Variants in GRHL1 observed in about 807,000 individuals in gnomAD.
GRHL1 encodes grainyhead like transcription factor 1, also known as grainyhead-like protein 1 homolog.
Under a neutral mutation model 75.7 loss-of-function variants are expected in GRHL1, and 38 were observed. The ratio of observed to expected loss-of-function variants is 0.50; its 90% CI spans 0.39 to 0.66. The LOEUF (loss-of-function observed/expected upper bound fraction) is 0.66, where lower values mean the gene tolerates loss of function less well. Ranked by LOEUF, GRHL1 falls within the 30% of genes least tolerant of loss-of-function variation. The pLI, the probability that GRHL1 is intolerant of heterozygous loss-of-function variation, is 0.00. For synonymous variants in GRHL1, 266 were observed against 279.4 expected (o/e 0.95, Z 0.48); for missense variants, 589 against 767.5 (o/e 0.77, Z 2.75).
intron 6 of GRHL1, 82 bp downstream of exon 6, chr2:9,964,124 C>T (rs1412402740): frequency 8.6e-6 from 12 of 1,402,822 alleles, no homozygotes; most frequent in Admixed American, 3.7e-5. Context: ...TCTGAATGAC[C>T]GCCTGAAATT....
rs569256404 is a variant in GRHL1, at chr2:9,954,920, G to A, written c.26G>A (p.Arg9Gln). 9 of 1,611,456 alleles carry A rather than the reference G, an allele frequency of 5.6e-6. No homozygotes were observed. Among genetic ancestry groups the A allele is most frequent in the African/African-American group, 1.3e-5 (1 of 74,904 alleles). Residue 9 changes from arginine (R) to glutamine (Q), a missense_variant, in exon 2 of 16, where the codon CGG becomes CAG. Around this residue, in one of 5 missense-constraint regions of GRHL1, gnomAD observed 362 missense variants for 461.8 expected, o/e 0.78. Coordinates refer to ENST00000324907, the MANE Select transcript of GRHL1 (RefSeq NM_198182.3). Reference sequence around the variant, plus strand: ...TTTTTTTAATTTCTCTGAAGCAAACGGCCAGTGTTGGTTCTTCAGAATGAA... The same window carrying A: ...TTTTTTTAATTTCTCTGAAGCAAACAGCCAGTGTTGGTTCTTCAGAATGAA... MTQEYDNK[R>Q]PVLVLQNEAL...
intron 7 of GRHL1, chr2:9,964,663 G>A (rs988159698): frequency 9.1e-6 from 2 of 218,680 alleles, no homozygotes; most frequent in East Asian, 2.0e-4. Flanking sequence ...TTCTTTAAAA[G>A]ATTCTGATTA....
chr2:9,954,670 T>C (rs888708189), intron 1 of GRHL1, among the ~76,000 whole-genome samples: 1 of 150,730 alleles, frequency 6.6e-6, no homozygotes, highest in East Asian at 1.9e-4. Context: ...TGCCAAATAG[T>C]ATACCCTGGG....
At position 9,992,129 on chromosome 2, in the gene GRHL1, T is replaced by C. The variant is rs1422178768; in HGVS notation, c.1444T>C (p.Leu482=). ...LFIPDVHFAN[L]QRGTHVLPIA... ...CATTCCTGACGTGCACTTTGCCAAC[T>C]TGCAGCGGGGCACTCATGTAGGTAA... is the stretch of plus-strand genomic sequence containing the variant. Residue 482 remains leucine (L), a synonymous_variant, in exon 11 of 16, where the codon TTG becomes CTG. Coordinates refer to ENST00000324907, the MANE Select transcript of GRHL1 (RefSeq NM_198182.3). This position sits in a 1 kb window ranked among gnomAD's most constrained non-coding sequence, Gnocchi z 4.6. 2 of 1,613,372 alleles carry C rather than the reference T, an allele frequency of 1.2e-6. No homozygotes were observed. Among genetic ancestry groups the C allele is most frequent in the Non-Finnish European group, 1.7e-6 (2 of 1,179,760 alleles).
chr2:9,968,901 G>A lies in GRHL1; in HGVS notation c.1110+3520G>A, dbSNP rs1029491163. On this transcript the variant is annotated intron_variant, in intron 8 of 15. Coordinates refer to ENST00000324907, the MANE Select transcript of GRHL1 (RefSeq NM_198182.3). This position sits in a 1 kb window ranked among gnomAD's most constrained non-coding sequence, Gnocchi z 4.7. ...GCAGGCCAGGTAGATAGTGGCATAA[G>A]TGTCCCCATTTGTGGGGACAGCCTG... Among the ~76,000 whole-genome samples the A allele has an allele frequency of 1.3e-5, 2 of 152,222 alleles. No homozygotes were observed. The highest frequency in any genetic ancestry group is 4.8e-5 in the African/African-American group (2 of 41,458).
chr2:9,965,929 G>A (rs1012339173), intron 8 of GRHL1: 1 of 152,256 alleles, frequency 6.6e-6, no homozygotes, highest in Non-Finnish European at 1.5e-5. Context: ...GTTACTCCTT[G>A]TGGGCGACTC....
chr2:9,976,398 G>A (rs1404651280), intron 8 of GRHL1, among the ~76,000 whole-genome samples: 1 of 152,144 alleles, frequency 6.6e-6, no homozygotes, highest in African/African-American at 2.4e-5. Flanking sequence ...TCTGAGCCAG[G>A]AGTGGTGGGG....
At chr2:9,956,131 A>G (rs1558288490) in intron 2 of GRHL1, among the ~76,000 whole-genome samples, 1 of 152,232 alleles carries the variant, frequency 6.6e-6, no homozygotes, top group Non-Finnish European at 1.5e-5. Flanking sequence ...TTTGTTTTAA[A>G]AACTTTCAAA....
At chr2:9,963,863 C>G (rs1667378407) in intron 5 of GRHL1, 23 bp from the exon 6 acceptor site, 1 of 1,583,796 alleles carries the variant, frequency 6.3e-7, no homozygotes, top group Non-Finnish European at 8.6e-7. Context: ...ATTTAGAGAC[C>G]TGTGACTTTT....
intron 4 of GRHL1, 46 bp from the exon 5 acceptor site, chr2:9,962,409 A>G (rs765796352): frequency 4.7e-6 from 5 of 1,072,748 alleles, no homozygotes; most frequent in Non-Finnish European, 7.3e-6. Context: ...TTTAGTAAGC[A>G]TGATAACCAG....
intron 12 of GRHL1, among the ~76,000 whole-genome samples, chr2:9,994,680 A>G (rs1191147787): frequency 6.6e-6 from 1 of 152,030 alleles, no homozygotes; most frequent in East Asian, 1.9e-4. Flanking sequence ...AGAGTCTCGG[A>G]GGCTCAGCCC....
intron 8 of GRHL1, 38 bp from the exon 9 acceptor site, chr2:9,986,086 G>C: frequency 6.5e-7 from 1 of 1,536,748 alleles, no homozygotes; most frequent in Non-Finnish European, 8.8e-7. Flanking sequence ...GTTTGACTTG[G>C]TGCCTGTTGC....
chr2:9,969,993 C>T (rs1283226133), intron 8 of GRHL1, among the ~76,000 whole-genome samples: 1 of 152,110 alleles, frequency 6.6e-6, no homozygotes, highest in Non-Finnish European at 1.5e-5. Context: ...CAGGCGTCCG[C>T]CACCATGCCC....
Position 9,992,279 on chromosome 2 carries a change from T to C in GRHL1, c.1461+133T>C, listed in dbSNP as rs1668677605. On this transcript the variant is annotated intron_variant, in intron 11 of 15. Transcript: ENST00000324907. The surrounding 1 kb of genome is among the most constrained non-coding windows in gnomAD (Gnocchi z 4.6). ...ACCAGTTAGTCAGCTCTTTGGAATA[T>C]TCTGCTGGGGTGACATGATGCCCGT... 1.2e-5 allele frequency: 9 copies of C among 751,566 alleles called. No individual in the cohort carries two copies. In the East Asian group the frequency reaches 2.4e-4, roughly 20 times the overall value. The allele number at this position is 751,566 out of a possible 1,614,324, so 46.6% of individuals were successfully genotyped here.
intron 2 of GRHL1, among the ~76,000 whole-genome samples, chr2:9,955,351 A>G (rs1666968600): frequency 6.6e-6 from 1 of 152,246 alleles, no homozygotes; most frequent in African/African-American, 2.4e-5. Flanking sequence ...AAGCTACCGT[A>G]AAAGAAGATG....
At chr2:9,974,490 T>C (rs564461138) in intron 8 of GRHL1, among the ~76,000 whole-genome samples, 1 of 152,304 alleles carries the variant, frequency 6.6e-6, no homozygotes, top group African/African-American at 2.4e-5. Flanking sequence ...TTGAAGCTTT[T>C]GAGTTGGGCG....
intron 12 of GRHL1, 120 bp downstream of exon 12, chr2:9,993,364 C>G: frequency 1.3e-6 from 1 of 768,042 alleles, no homozygotes. Flanking sequence ...GATAAGTTGC[C>G]AGCCTGATGG....
intron 14 of GRHL1, among the ~76,000 whole-genome samples, chr2:9,998,424 ATG>A (rs373392159): frequency 7.0e-4 from 24 of 34,434 alleles, no homozygotes; most frequent in South Asian, 2.3e-3. Flanking sequence ...GTGACTATGC[ATG>A]TGTGTGTGTG....
chr2:9,961,557 AT>A (rs138724700), intron 4 of GRHL1, 121 bp downstream of exon 4: 110,337 of 838,850 alleles, frequency 0.13, 9,577 homozygotes, highest in African/African-American at 0.39. Context: ...GGAATAAAAG[AT>A]TTTTTTTTTA....
Sources: gnomAD v4.1 joint callset for allele counts (sites outside exome capture counted in the v4.1 genomes callset) on GRCh38, gnomAD v4.1.1 for gene constraint, gnomAD v4.1.1 regional missense constraint, Gnocchi (gnomAD v3.1) non-coding constraint, MANE v1.5 for transcripts, NCBI Gene and HGNC (gene_info 2026-07-23, HGNC 2026-07-21) for gene names.